HIRA: variants seen among roughly 807,000 people sequenced by gnomAD.
The protein encoded by HIRA is histone cell cycle regulator.
Under a neutral mutation model 126.6 loss-of-function variants are expected in HIRA, and 13 were observed. The ratio of observed to expected loss-of-function variants is 0.10; its 90% CI spans 0.07 to 0.16. HIRA has a LOEUF of 0.16. Among genes scored for constraint, HIRA ranks in the 10% least tolerant of loss-of-function variants. The pLI, the probability that HIRA is intolerant of heterozygous loss-of-function variation, is 1.00. For missense variants in HIRA, 834 were observed against 1,314.4 expected (o/e 0.63, Z 5.65); for synonymous variants, 511 against 520.0 (o/e 0.98, Z 0.24).
chr22:19,354,770 AT>A (rs148449868), intron 21 of HIRA, among the ~76,000 whole-genome samples: 11 of 150,424 alleles, frequency 7.3e-5, no homozygotes, highest in South Asian at 2.1e-4. Context: ...GGCAGTGGAG[AT>A]TTTTTTTTTC....
Position 19,353,996 on chromosome 22 carries a change from T to C in HIRA, c.2684A>G (p.Asn895Ser), listed in dbSNP as rs781930109. 1 of 1,613,102 alleles carries C rather than the reference T, an allele frequency of 6.2e-7. No individual in the cohort carries two copies. Among genetic ancestry groups the C allele is most frequent in the Non-Finnish European group, 8.5e-7 (1 of 1,179,624 alleles). ...TGGCCATGGCATTCAGGTCACGTAC[T>C]TGGAGGTGCGGCCCTGGATTATGGC... ...PLAIIQGRTSNSGRQAARLFS... is the reference protein window; with the variant it reads ...PLAIIQGRTSSSGRQAARLFS... The change falls in exon 22 of 25, where the codon AAC becomes AGC. Residue 895 changes from asparagine (N) to serine (S), a missense_variant and splice_region_variant. Transcript: ENST00000263208.
chr22:19,385,983 C>G lies in HIRA; in HGVS notation c.1114-247G>C, dbSNP rs146283817. ...GTAGCTGGGATGACAGTAAATGAGA[C>G]AGCCAACAAGACAACACCTGCCCCA... is the stretch of plus-strand genomic sequence containing the variant. On this transcript the variant is annotated intron_variant, in intron 11 of 24. Coordinates refer to ENST00000263208, the MANE Select transcript of HIRA (RefSeq NM_003325.4). Among the ~76,000 whole-genome samples the G allele has an allele frequency of 5.9e-5, 9 of 152,306 alleles. No homozygotes were observed. The East Asian group carries it at 1.3e-3, about 23-fold the overall frequency.
chr22:19,361,865 G>A lies in HIRA; in HGVS notation c.1842C>T (p.Ser614=), dbSNP rs745413378. The A allele has an allele frequency of 5.4e-5, 87 of 1,614,064 alleles. No homozygotes were observed. Among genetic ancestry groups the A allele is most frequent in the Non-Finnish European group, 7.2e-5 (85 of 1,180,046 alleles). Residue 614 remains serine, a synonymous_variant, in exon 16 of 25, where the codon AGC becomes AGT. Coordinates refer to ENST00000263208, the MANE Select transcript of HIRA (RefSeq NM_003325.4). ...CCTTAGCCAAAGGGACTTTCTCATC[G>A]CTGTCACTGCTGCTCTCCAGGAGGT... ...PRDLLESSSD[S]DEKVPLAKAS...
At chr22:19,345,947 C>T (rs2146179236) in intron 24 of HIRA, among the ~76,000 whole-genome samples, 1 of 152,318 alleles carries the variant, frequency 6.6e-6, no homozygotes, top group Admixed American at 6.5e-5. Context: ...GCACTGGCAG[C>T]TCAAATCAGA....
intron 15 of HIRA, among the ~76,000 whole-genome samples, chr22:19,371,053 G>A (rs897826365): frequency 1.3e-5 from 2 of 152,192 alleles, no homozygotes; most frequent in Non-Finnish European, 1.5e-5. Flanking sequence ...GCCACAGAAA[G>A]CCACAAAGCA....
At chr22:19,417,308 G>GT (rs1394112699) in intron 1 of HIRA, among the ~76,000 whole-genome samples, 6 of 151,932 alleles carry the variant, frequency 3.9e-5, no homozygotes, top group Non-Finnish European at 4.4e-5. Flanking sequence ...CCACAATTAC[G>GT]TATTACCTCA....
intron 24 of HIRA, among the ~76,000 whole-genome samples, chr22:19,340,216 C>T (rs574926152): frequency 4.1e-4 from 63 of 152,114 alleles, no homozygotes; most frequent in African/African-American, 1.4e-3. Context: ...GAAGACTTAA[C>T]GTACACATGT....
chr22:19,416,849 TCAA>T (rs2089402762), intron 1 of HIRA, among the ~76,000 whole-genome samples: 1 of 152,100 alleles, frequency 6.6e-6, no homozygotes, highest in Non-Finnish European at 1.5e-5. Flanking sequence ...ATCCTGAAAC[TCAA>T]CAACGTGACT....
intron 14 of HIRA, among the ~76,000 whole-genome samples, chr22:19,377,542 G>A (rs993374476): frequency 7.2e-5 from 11 of 152,078 alleles, no homozygotes; most frequent in African/African-American, 2.4e-4. Flanking sequence ...TGAGGCCCCA[G>A]AAATGTGAAG....
chr22:19,358,672 AG>A (rs1449370855), intron 18 of HIRA, among the ~76,000 whole-genome samples: 2 of 152,224 alleles, frequency 1.3e-5, no homozygotes, highest in African/African-American at 4.8e-5. Context: ...CTTTGACACA[AG>A]TAAAAGCATT....
At chr22:19,398,265 A>C (rs1193737992) in intron 5 of HIRA, among the ~76,000 whole-genome samples, 178 bp from the exon 6 acceptor site, 3 of 151,982 alleles carry the variant, frequency 2.0e-5, no homozygotes, top group Non-Finnish European at 2.9e-5. Context: ...CATCTAACCG[A>C]CCCCAGTGCC....
At chr22:19,369,500 A>G (rs1422823608) in intron 15 of HIRA, among the ~76,000 whole-genome samples, 1 of 152,104 alleles carries the variant, frequency 6.6e-6, no homozygotes, top group South Asian at 2.1e-4. Context: ...GCCTGAGAGG[A>G]GATGGACTCA....
At chr22:19,394,635 T>C (rs1298214756) in intron 7 of HIRA, 126 bp from the exon 8 acceptor site, 2 of 921,188 alleles carry the variant, frequency 2.2e-6, no homozygotes, top group South Asian at 1.7e-5. Flanking sequence ...CCCAAGCTTC[T>C]GGCTACACTG....
chr22:19,412,850 G>T (rs1267334958), intron 1 of HIRA, among the ~76,000 whole-genome samples: 1 of 152,130 alleles, frequency 6.6e-6, no homozygotes, highest in African/African-American at 2.4e-5. Context: ...TATGTGCCAG[G>T]CATTAGGCTA....
intron 24 of HIRA, among the ~76,000 whole-genome samples, chr22:19,349,513 C>G (rs5993610): frequency 0.024 from 3,600 of 152,316 alleles, 164 homozygotes; most frequent in African/African-American, 0.082. Flanking sequence ...GTCTCTGTCT[C>G]TGTTTCTACA....
chr22:19,331,288 C>A lies in HIRA; in HGVS notation c.*152G>T. 1 of 1,570,442 alleles carries A rather than the reference C, an allele frequency of 6.4e-7. No homozygotes were observed. Among genetic ancestry groups the A allele is most frequent in the East Asian group, 2.3e-5 (1 of 43,358 alleles). On this transcript the variant is annotated 3_prime_UTR_variant, in exon 25 of 25. Coordinates refer to ENST00000263208, the MANE Select transcript of HIRA (RefSeq NM_003325.4). ...ACCCAGGACACAGGGCACATCTGCC[C>A]AGGGAGCTGGGCTGGCGCTGGTGCA...
intron 15 of HIRA, among the ~76,000 whole-genome samples, chr22:19,363,829 C>T (rs1236286253): frequency 1.3e-5 from 2 of 152,018 alleles, no homozygotes; most frequent in African/African-American, 2.4e-5. Context: ...ACCTGGGAGG[C>T]GGAGGTTGCA....
chr22:19,357,111 G>T, intron 18 of HIRA, 60 bp from the exon 19 acceptor site: 1 of 1,585,992 alleles, frequency 6.3e-7, no homozygotes, highest in Non-Finnish European at 8.6e-7. Context: ...CAAGACAGTA[G>T]CCCTGGAAGT....
At position 19,405,840 on chromosome 22, in the gene HIRA, G is replaced by A. The variant is rs2089303905; in HGVS notation, c.343C>T (p.Leu115Phe). Reference protein sequence around the residue: ...PSTVFGSSGKLANVEQWRCVS... With the variant: ...PSTVFGSSGKFANVEQWRCVS... ...CACCGCCACTGCTCCACATTGGCAA[G>A]CTTACCACTGGAGCCGAACACGGTG... The change falls in exon 5 of 25, where the codon CTT becomes TTT. Residue 115 changes from leucine (L) to phenylalanine (F), a missense_variant. By Grantham distance (22) the Leu-to-Phe change is conservative. Around this residue, in one of 5 missense-constraint regions of HIRA, gnomAD observed 102 missense variants for 191.4 expected, o/e 0.53. Transcript: ENST00000263208. The A allele has an allele frequency of 1.3e-6, 2 of 1,511,378 alleles. No homozygotes were observed. The highest frequency in any genetic ancestry group is 2.1e-5 in the Admixed American group (1 of 46,860). 93.6% of individuals were successfully genotyped at this position (1,511,378 alleles called of 1,614,324 possible). A position where few individuals can be genotyped will look rare whatever the true frequency, so the allele number is the denominator to read the frequency against.
Sources: allele counts gnomAD v4.1 joint callset (sites outside exome capture counted in the v4.1 genomes callset), GRCh38; gene constraint gnomAD v4.1.1; regional missense constraint gnomAD v4.1.1; transcripts MANE v1.5; gene names NCBI Gene and HGNC (gene_info 2026-07-23, HGNC 2026-07-21).